Variants in PRDM10 observed in about 807,000 individuals in gnomAD.
PRDM10 encodes PR/SET domain 10.
A neutral mutation model predicts 133.1 loss-of-function variants in PRDM10; 65 were observed. The observed-to-expected ratio is 0.49, with a 90% CI of 0.40 to 0.60. The LOEUF is 0.60. Ranked by LOEUF, PRDM10 falls within the 20% of genes least tolerant of loss-of-function variation. The pLI, the probability that PRDM10 is intolerant of heterozygous loss-of-function variation, is 0.00. For missense variants in PRDM10, 1,137 were observed against 1,507.1 expected (o/e 0.75, Z 4.07); for synonymous variants, 582 against 580.4 (o/e 1.00, Z -0.04).
intron 1 of PRDM10, among the ~76,000 whole-genome samples, chr11:129,994,659 CTCTT>C (rs1018426611): frequency 7.9e-5 from 12 of 151,840 alleles, no homozygotes; most frequent in African/African-American, 2.4e-4. Context: ...TTTTTTCTTT[CTCTT>C]TTTTTTGAGA....
chr11:129,919,464 T>C (rs1217608471), intron 13 of PRDM10, among the ~76,000 whole-genome samples: 3 of 152,222 alleles, frequency 2.0e-5, no homozygotes, highest in South Asian at 4.1e-4. Context: ...CTCTATCTTA[T>C]GGATTTAGAA....
At chr11:129,937,866 C>T (rs979907482) in intron 7 of PRDM10, among the ~76,000 whole-genome samples, 196 bp from the exon 8 acceptor site, 3 of 152,244 alleles carry the variant, frequency 2.0e-5, no homozygotes, top group African/African-American at 4.8e-5. Flanking sequence ...TTTGCCAAGA[C>T]GCACTGCCTG....
intron 3 of PRDM10, 86 bp from the exon 4 acceptor site, chr11:129,955,657 A>AT (rs1951682883): frequency 7.9e-7 from 1 of 1,259,924 alleles, no homozygotes; most frequent in African/African-American, 1.5e-5. Context: ...CTAAGCACCA[A>AT]TTTTTAGAAA....
chr11:129,909,631 C>T (rs1950123447), intron 19 of PRDM10, among the ~76,000 whole-genome samples: 1 of 152,134 alleles, frequency 6.6e-6, no homozygotes, highest in African/African-American at 2.4e-5. Context: ...CCTCTTCCTC[C>T]TAGTTTCTAC....
At chr11:129,987,685 T>C (rs546305108) in intron 1 of PRDM10, among the ~76,000 whole-genome samples, 3 of 152,212 alleles carry the variant, frequency 2.0e-5, no homozygotes, top group Non-Finnish European at 2.9e-5. Context: ...ATCCATATAA[T>C]GGAATATTAT....
chr11:129,932,312 A>G (rs1950896178), intron 9 of PRDM10, 81 bp from the exon 10 acceptor site: 2 of 1,523,924 alleles, frequency 1.3e-6, no homozygotes, highest in Non-Finnish European at 1.8e-6. Flanking sequence ...GATCCTTACT[A>G]ACCCCAGAGT....
intron 1 of PRDM10, among the ~76,000 whole-genome samples, chr11:129,964,507 T>C (rs1211160371): frequency 6.6e-6 from 1 of 152,214 alleles, no homozygotes; most frequent in Non-Finnish European, 1.5e-5. Context: ...CATACATATA[T>C]ACTCTCTCCC....
intron 2 of PRDM10, 101 bp from the exon 3 acceptor site, chr11:129,958,011 G>A: frequency 1.5e-6 from 2 of 1,333,656 alleles, no homozygotes; most frequent in Non-Finnish European, 2.1e-6. Flanking sequence ...CAGGAGAATG[G>A]GGATGGATAC....
intron 1 of PRDM10, among the ~76,000 whole-genome samples, chr11:129,977,255 TACACACACACACACACAC>T (rs71057991): frequency 1.1e-4 from 15 of 132,490 alleles, no homozygotes; most frequent in African/African-American, 3.0e-4. Flanking sequence ...ATGACTAAAA[TACACACACACACACACAC>T]ACACACACAC....
chr11:129,961,955 G>GAC (rs1951804823), intron 1 of PRDM10, among the ~76,000 whole-genome samples: 1 of 152,138 alleles, frequency 6.6e-6, no homozygotes, highest in Non-Finnish European at 1.5e-5. Flanking sequence ...TTTCCTTGTA[G>GAC]ACACTAACTT....
intron 4 of PRDM10, among the ~76,000 whole-genome samples, chr11:129,949,671 C>T (rs1287236805): frequency 1.3e-5 from 2 of 152,190 alleles, no homozygotes; most frequent in African/African-American, 4.8e-5. Context: ...TGGCTCATGC[C>T]TGTAATCCCA....
chr11:129,998,443 G>GT (rs1271557384), intron 1 of PRDM10, among the ~76,000 whole-genome samples: 1 of 152,164 alleles, frequency 6.6e-6, no homozygotes, highest in Non-Finnish European at 1.5e-5. Context: ...ATAAACGAGA[G>GT]TTTAACTAAA....
rs376274985 is a variant in PRDM10 at position 129,906,028 on chromosome 11, C to A, written c.3164-287G>T. On this transcript the variant is annotated intron_variant, in intron 19 of 20. Transcript: ENST00000360871. ...ATTTTTAAAACCTTGAAATACGTCA[C>A]AAAGAGTTACCTTTTAAATCAATAT... Among the ~76,000 whole-genome samples, 25 of 152,328 alleles carry A rather than the reference C, an allele frequency of 1.6e-4. 1 individual carries two copies. In the East Asian group the frequency reaches 2.1e-3, roughly 13 times the overall value.
chr11:129,988,343 C>T (rs1193078931), intron 1 of PRDM10, among the ~76,000 whole-genome samples: 1 of 152,030 alleles, frequency 6.6e-6, no homozygotes, highest in East Asian at 1.9e-4. Flanking sequence ...TTGAATTGTA[C>T]ATTTTATTTT....
chr11:129,993,596 T>C lies in PRDM10; in HGVS notation c.-119+9126A>G, dbSNP rs140584497. The stretch of plus-strand genomic sequence containing the variant: ...GCCTCCTGGGTTCACACCATTCTCC[T>C]GCCTCAGCCTCCCGAGTAGCTGGAA... On this transcript the variant is annotated intron_variant, in intron 1 of 20. Coordinates refer to ENST00000360871, the MANE Select transcript of PRDM10 (RefSeq NM_199437.2). Among the ~76,000 whole-genome samples, 811 of 152,276 alleles carry C rather than the reference T, an allele frequency of 5.3e-3. 8 individuals carry two copies. Among genetic ancestry groups the C allele is most frequent in the African/African-American group, 0.018 (764 of 41,546 alleles).
intron 12 of PRDM10, among the ~76,000 whole-genome samples, chr11:129,924,450 T>C (rs557463120): frequency 6.6e-6 from 1 of 152,356 alleles, no homozygotes; most frequent in East Asian, 1.9e-4. Flanking sequence ...AAGTATATTA[T>C]ATACCAACTT....
At chr11:129,951,795 G>A (rs1356009378) in intron 4 of PRDM10, among the ~76,000 whole-genome samples, 3 of 152,124 alleles carry the variant, frequency 2.0e-5, no homozygotes, top group Admixed American at 6.5e-5. Flanking sequence ...AAACAAAGAG[G>A]AGACTATGCC....
intron 12 of PRDM10, among the ~76,000 whole-genome samples, chr11:129,924,216 C>G (rs1434402001): frequency 6.6e-6 from 1 of 152,196 alleles, no homozygotes; most frequent in Non-Finnish European, 1.5e-5. Context: ...ATTTCCAAGA[C>G]TCTCAACACT....
At chr11:129,958,091 G>A (rs75097250) in intron 2 of PRDM10, among the ~76,000 whole-genome samples, 181 bp from the exon 3 acceptor site, 10,745 of 152,258 alleles carry the variant, frequency 0.071, 720 homozygotes, top group East Asian at 0.39. Context: ...ACTGCTAAAT[G>A]TTAGGCAACC....
Sources: allele counts gnomAD v4.1 joint callset (sites outside exome capture counted in the v4.1 genomes callset), GRCh38; gene constraint gnomAD v4.1.1; transcripts MANE v1.5; gene names NCBI Gene and HGNC (gene_info 2026-07-23, HGNC 2026-07-21).